The following CACNA2D1 variants were observed in gnomAD, a reference collection of about 807,000 sequenced individuals.
CACNA2D1 encodes voltage-dependent calcium channel subunit alpha-2/delta-1.
A neutral mutation model predicts 171.5 loss-of-function variants in CACNA2D1; 53 were observed. That is an observed-to-expected ratio of 0.31 (90% CI 0.25 to 0.39). The LOEUF (loss-of-function observed/expected upper bound fraction) is 0.39, where lower values mean the gene tolerates loss of function less well. CACNA2D1 is among the 10% of genes least tolerant of loss of function. CACNA2D1 has a pLI of 1.00. For synonymous variants in CACNA2D1, 442 were observed against 443.1 expected (o/e 1.00, Z 0.03); for missense variants, 903 against 1,299.8 (o/e 0.69, Z 4.69).
At chr7:81,962,285 A>G (rs1794228265) in intron 35 of CACNA2D1, among the ~76,000 whole-genome samples, 155 bp downstream of exon 35, 1 of 151,982 alleles carries the variant, frequency 6.6e-6, no homozygotes, top group African/African-American at 2.4e-5. Flanking sequence ...AACATTAGGA[A>G]AGGTTGGACA....
chr7:82,109,600 A>C lies in CACNA2D1; in HGVS notation c.526+7444T>G, dbSNP rs189304266. ...CTACCATGGTAACAATGAAACTATCAAATAAAAAAATATTTTTTGGAATTA... is the reference window on the plus strand; with the variant it reads ...CTACCATGGTAACAATGAAACTATCCAATAAAAAAATATTTTTTGGAATTA... On this transcript the variant is annotated intron_variant, in intron 6 of 38. Coordinates refer to ENST00000356860, the MANE Select transcript of CACNA2D1 (RefSeq NM_000722.4). Among the ~76,000 whole-genome samples the C allele has an allele frequency of 3.3e-5, 5 of 150,522 alleles. No individual in the cohort carries two copies. The East Asian group carries it at 9.7e-4, about 29-fold the overall frequency.
intron 1 of CACNA2D1, among the ~76,000 whole-genome samples, chr7:82,401,066 G>T (rs1826346793): frequency 6.6e-6 from 1 of 152,130 alleles, no homozygotes; most frequent in African/African-American, 2.4e-5. Flanking sequence ...ACAGGTGCTG[G>T]AGAGGATGTG....
Position 82,032,808 on chromosome 7 carries a change from T to C in CACNA2D1, c.1132A>G (p.Lys378Glu). 1 of 1,518,088 alleles carries C rather than the reference T, an allele frequency of 6.6e-7. No homozygotes were observed. The highest frequency in any genetic ancestry group is 9.1e-7 in the Non-Finnish European group (1 of 1,096,644). 94.0% of individuals were successfully genotyped at this position (1,518,088 alleles called of 1,614,324 possible). ...AAAATTACACTCACTTTTTTATCTTTATTGTATTTGTTAAATATCTCCTGG... is the reference window on the plus strand; with the variant it reads ...AAAATTACACTCACTTTTTTATCTTCATTGTATTTGTTAAATATCTCCTGG... ...RAQEIFNKYN[K>E]DKKVRVFTFS... The change falls in exon 12 of 39, where the codon AAA becomes GAA. Residue 378 changes from lysine (K) to glutamate (E), a missense_variant. Around this residue, in one of 5 missense-constraint regions of CACNA2D1, gnomAD observed 623 missense variants for 925.5 expected, o/e 0.67. Coordinates refer to ENST00000356860, the MANE Select transcript of CACNA2D1 (RefSeq NM_000722.4).
rs1488066267 is a variant in CACNA2D1, at chr7:82,185,472, GGGGGGAGGGGGAGGAGGA to G, written c.295-14881_295-14864del. ...ACAAAGGGTCAGACAAAAAAGAGAGGGGGGGAGGGGGAGGAGGAGGGGGAGGGGAGGGGGAGGGGGAGG... is the reference window on the plus strand; with the variant it reads ...ACAAAGGGTCAGACAAAAAAGAGAGGGGGGGAGGGGAGGGGGAGGGGGAGG... On this transcript the variant is annotated intron_variant, in intron 3 of 38. Transcript: ENST00000356860. Among the ~76,000 whole-genome samples, 321 of 53,058 alleles carry G rather than the reference GGGGGGAGGGGGAGGAGGA, an allele frequency of 6.0e-3. 9 individuals carry two copies. Among genetic ancestry groups the G allele is most frequent in the African/African-American group, 0.019 (308 of 15,872 alleles). 34.8% of individuals were successfully genotyped at this position (53,058 alleles called of 152,430 possible).
chr7:82,099,318 A>C (rs1812330787), intron 6 of CACNA2D1, among the ~76,000 whole-genome samples: 1 of 151,560 alleles, frequency 6.6e-6, no homozygotes, highest in Non-Finnish European at 1.5e-5. Context: ...ACTTCTAACA[A>C]TTTGTAGTTA....
At chr7:81,984,280 T>C (rs561675065) in intron 22 of CACNA2D1, among the ~76,000 whole-genome samples, 2 of 152,220 alleles carry the variant, frequency 1.3e-5, no homozygotes, top group East Asian at 3.9e-4. Flanking sequence ...CACAGTGCCA[T>C]GAGAGTAGAG....
At chr7:82,443,849 G>C, upstream of CACNA2D1, 1 of 371,312 alleles carries the variant, frequency 2.7e-6, no homozygotes, top group Non-Finnish European at 4.3e-6. Context: ...GGCGGGGGCG[G>C]AGGAGGGGTG....
intron 18 of CACNA2D1, among the ~76,000 whole-genome samples, chr7:82,000,212 T>C (rs1584352980): frequency 6.6e-6 from 1 of 152,022 alleles, no homozygotes; most frequent in Non-Finnish European, 1.5e-5. Context: ...TAAGCCGAGA[T>C]TGCGCCACTG....
chr7:82,390,213 C>T (rs1274916630), intron 1 of CACNA2D1, among the ~76,000 whole-genome samples: 1 of 152,156 alleles, frequency 6.6e-6, no homozygotes, highest in African/African-American at 2.4e-5. Flanking sequence ...AAGGTCTTAA[C>T]CTTCCTCTAA....
At chr7:82,025,538 C>T (rs10259726) in intron 12 of CACNA2D1, among the ~76,000 whole-genome samples, 29,968 of 151,354 alleles carry the variant, frequency 0.2, 3,253 homozygotes, top group African/African-American at 0.3. Flanking sequence ...TTTATTTGTT[C>T]TAATGAGCTT....
chr7:82,096,057 G>A (rs258661), intron 6 of CACNA2D1, among the ~76,000 whole-genome samples: 61,625 of 151,990 alleles, frequency 0.41, 12,564 homozygotes, highest in Non-Finnish European at 0.42. Context: ...TCTCATTTCT[G>A]TCAGACATTC....
intron 3 of CACNA2D1, among the ~76,000 whole-genome samples, chr7:82,330,949 A>G (rs1032875490): frequency 6.6e-6 from 1 of 152,132 alleles, no homozygotes; most frequent in African/African-American, 2.4e-5. Context: ...TACCAGGAGC[A>G]TAAGCATTAC....
chr7:82,058,714 G>A (rs1199662376), intron 10 of CACNA2D1, among the ~76,000 whole-genome samples: 1 of 152,158 alleles, frequency 6.6e-6, no homozygotes, highest in Non-Finnish European at 1.5e-5. Context: ...TTCAGATGAA[G>A]TAGATAGAGG....
chr7:82,425,165 A>C (rs1829063131), intron 1 of CACNA2D1, among the ~76,000 whole-genome samples: 1 of 152,216 alleles, frequency 6.6e-6, no homozygotes, highest in Non-Finnish European at 1.5e-5. Context: ...GAATGATCTA[A>C]CTTAATCAGC....
intron 4 of CACNA2D1, among the ~76,000 whole-genome samples, chr7:82,140,953 C>CAAAAAAAAAAAAAAAAAAAAA (rs1554426832): frequency 1.9e-5 from 1 of 52,968 alleles, no homozygotes; most frequent in Non-Finnish European, 3.2e-5. Context: ...AGACTCGTCT[C>CAAAAAAAAAAAAAAAAAAAAA]TAAAAAAAAA....
intron 10 of CACNA2D1, among the ~76,000 whole-genome samples, chr7:82,041,269 G>A (rs1231387650): frequency 1.3e-5 from 2 of 152,022 alleles, no homozygotes; most frequent in Non-Finnish European, 2.9e-5. Context: ...AAATAGAAGA[G>A]AGGTAAAAAA....
chr7:82,331,511 A>G lies in CACNA2D1; in HGVS notation c.294+3624T>C, dbSNP rs142858281. ...GTTTTATATTTTTGTGGAATCAAGG[A>G]AGTTAAGCAAAGAATTTAGTTTGAA... On this transcript the variant is annotated intron_variant, in intron 3 of 38. Coordinates refer to ENST00000356860, the MANE Select transcript of CACNA2D1 (RefSeq NM_000722.4). Among the ~76,000 whole-genome samples the G allele has an allele frequency of 5.6e-3, 849 of 152,292 alleles. 24 individuals carry two copies. Among genetic ancestry groups the G allele is most frequent in the Admixed American group, 0.052 (798 of 15,302 alleles).
intron 10 of CACNA2D1, among the ~76,000 whole-genome samples, chr7:82,060,224 T>A (rs867059401): frequency 5.3e-4 from 30 of 56,660 alleles, no homozygotes; most frequent in African/African-American, 1.8e-3. Context: ...ATATATATAA[T>A]ATATATATAT....
chr7:82,204,818 G>T (rs926754887), intron 3 of CACNA2D1, among the ~76,000 whole-genome samples: 1 of 152,154 alleles, frequency 6.6e-6, no homozygotes, highest in Non-Finnish European at 1.5e-5. Flanking sequence ...CTTGGCCTAG[G>T]GGGTGGAGTG....
Sources: gnomAD v4.1 joint callset for allele counts (sites outside exome capture counted in the v4.1 genomes callset) on GRCh38, gnomAD v4.1.1 for gene constraint, gnomAD v4.1.1 regional missense constraint, MANE v1.5 for transcripts, NCBI Gene and HGNC (gene_info 2026-07-23, HGNC 2026-07-21) for gene names.